The following SEZ6L variants were observed in gnomAD, a reference collection of about 807,000 sequenced individuals.
SEZ6L encodes the protein seizure 6-like protein.
SEZ6L carries 37 observed loss-of-function variants against 106.2 expected under a neutral mutation model. The ratio of observed to expected loss-of-function variants is 0.35; its 90% CI spans 0.27 to 0.46. The LOEUF (loss-of-function observed/expected upper bound fraction) is 0.46, where lower values mean the gene tolerates loss of function less well. Among genes scored for constraint, SEZ6L ranks in the 20% least tolerant of loss-of-function variants. The pLI, the probability that SEZ6L is intolerant of heterozygous loss-of-function variation, is 1.00. For synonymous variants in SEZ6L, 541 were observed against 570.4 expected, an observed-to-expected ratio of 0.95 and a Z score of 0.73; for missense variants, 1,172 against 1,332.8, an observed-to-expected ratio of 0.88 and a Z score of 1.88.
At chr22:26,289,968 A>G (rs1303937944) in intron 1 of SEZ6L, among the ~76,000 whole-genome samples, 1 of 152,204 alleles carries the variant, frequency 6.6e-6, no homozygotes, top group Non-Finnish European at 1.5e-5. Context: ...GATTGCAATG[A>G]CAAGAGTAAA....
chr22:26,272,542 T>C (rs565667842), intron 1 of SEZ6L, among the ~76,000 whole-genome samples: 4 of 152,260 alleles, frequency 2.6e-5, no homozygotes, highest in Admixed American at 2.6e-4. Context: ...AGGATAAACT[T>C]TGGGATGTCC....
At position 26,299,049 on chromosome 22, in the gene SEZ6L, C is replaced by T; in HGVS notation, c.1228C>T (p.His410Tyr). 1 of 1,607,614 alleles carries T rather than the reference C, an allele frequency of 6.2e-7. No individual in the cohort carries two copies. Among genetic ancestry groups the T allele is most frequent in the Non-Finnish European group, 8.5e-7 (1 of 1,177,132 alleles). Reference protein sequence around the residue: ...DSGDVTVMDLHSGGVAHFHCH... With the variant: ...DSGDVTVMDLYSGGVAHFHCH... Reference sequence around the variant, plus strand: ...TGGGGATGTCACGGTGATGGACCTGCACTCAGGTGGGGTGGCCCACTTTCA... The same window carrying T: ...TGGGGATGTCACGGTGATGGACCTGTACTCAGGTGGGGTGGCCCACTTTCA... The change falls in exon 5 of 17, where the codon CAC becomes TAC. Residue 410 changes from histidine (H) to tyrosine (Y), a missense_variant. Transcript: ENST00000248933.
intron 11 of SEZ6L, 110 bp downstream of exon 11, chr22:26,348,023 C>A: frequency 1.3e-6 from 1 of 781,450 alleles, no homozygotes; most frequent in Non-Finnish European, 2.0e-6. Context: ...CTGGACTCCC[C>A]CTCCACCACC....
chr22:26,276,708 C>A (rs940641781), intron 1 of SEZ6L, among the ~76,000 whole-genome samples: 1 of 152,192 alleles, frequency 6.6e-6, no homozygotes, highest in African/African-American at 2.4e-5. Context: ...GCATTCCTCT[C>A]CCCCTTGCTG....
intron 1 of SEZ6L, among the ~76,000 whole-genome samples, chr22:26,239,011 C>T (rs1331950825): frequency 6.6e-6 from 1 of 152,158 alleles, no homozygotes; most frequent in African/African-American, 2.4e-5. Flanking sequence ...TCACCTGAGG[C>T]CAGGAGTTCA....
At chr22:26,282,035 C>T (rs1569441756) in intron 1 of SEZ6L, among the ~76,000 whole-genome samples, 1 of 152,198 alleles carries the variant, frequency 6.6e-6, no homozygotes, top group Non-Finnish European at 1.5e-5. Context: ...TTTGCTGCTA[C>T]AAATGGGGCC....
chr22:26,342,707 A>AAAGAAAAGAAAAGAAAAG (rs145388635), intron 10 of SEZ6L, among the ~76,000 whole-genome samples: 1 of 146,880 alleles, frequency 6.8e-6, no homozygotes, highest in African/African-American at 2.6e-5. Context: ...AGAAAAAAGA[A>AAAGAAAAGAAAAGAAAAG]AAAAGAAAAG....
chr22:26,380,387 C>A lies in SEZ6L; in HGVS notation c.*92C>A. The A allele has an allele frequency of 1.0e-6, 1 of 981,746 alleles. No homozygotes were observed. The highest frequency in any genetic ancestry group is 1.6e-6 in the Non-Finnish European group (1 of 616,510). The allele number at this position is 981,746 out of a possible 1,614,324, so 60.8% of individuals were successfully genotyped here. A position where few individuals can be genotyped will look rare whatever the true frequency, so the allele number is the denominator to read the frequency against. ...GACCATGTGGCACTTGATTGAAACC[C>A]CAGAATGTCGACTGTCTTTTGTTTA... On this transcript the variant is annotated 3_prime_UTR_variant, in exon 17 of 17. Transcript: ENST00000248933.
At chr22:26,345,468 T>G (rs1292304479) in intron 10 of SEZ6L, among the ~76,000 whole-genome samples, 2 of 152,084 alleles carry the variant, frequency 1.3e-5, no homozygotes, top group African/African-American at 4.8e-5. Context: ...CAGACCACAT[T>G]TCTGGTGTCT....
chr22:26,226,592 A>G (rs1050102368), intron 1 of SEZ6L, among the ~76,000 whole-genome samples: 4 of 152,006 alleles, frequency 2.6e-5, no homozygotes, highest in Admixed American at 6.6e-5. Flanking sequence ...TGTGTGTGTG[A>G]TTATTCAGTG....
chr22:26,239,170 G>A (rs1161264966), intron 1 of SEZ6L, among the ~76,000 whole-genome samples: 1 of 152,194 alleles, frequency 6.6e-6, no homozygotes, highest in Admixed American at 6.5e-5. Flanking sequence ...GATGCAGTGA[G>A]CCATGATCGG....
At chr22:26,342,705 GAA>G (rs373792881) in intron 10 of SEZ6L, among the ~76,000 whole-genome samples, 3,538 of 120,830 alleles carry the variant, frequency 0.029, 79 homozygotes, top group African/African-American at 0.086. Flanking sequence ...AAAGAAAAAA[GAA>G]AAAAGAAAAG....
intron 12 of SEZ6L, among the ~76,000 whole-genome samples, chr22:26,358,959 A>C (rs1033673310): frequency 3.9e-5 from 6 of 152,162 alleles, no homozygotes; most frequent in African/African-American, 1.4e-4. Flanking sequence ...AACCTGCCTT[A>C]GATGATCTTA....
intron 1 of SEZ6L, among the ~76,000 whole-genome samples, chr22:26,269,841 G>T (rs17394336): frequency 6.6e-6 from 1 of 152,080 alleles, no homozygotes; most frequent in Non-Finnish European, 1.5e-5. Context: ...GTATTATCTC[G>T]GCCACCAGTG....
chr22:26,360,383 A>C (rs187893889), intron 12 of SEZ6L, among the ~76,000 whole-genome samples: 103 of 152,306 alleles, frequency 6.8e-4, no homozygotes, highest in African/African-American at 2.4e-3. Context: ...TCTGGAATAC[A>C]TACAGGACTG....
intron 1 of SEZ6L, among the ~76,000 whole-genome samples, chr22:26,232,228 A>C (rs1014166226): frequency 1.3e-5 from 2 of 152,078 alleles, no homozygotes; most frequent in Non-Finnish European, 2.9e-5. Flanking sequence ...CACCAGGAAA[A>C]GTCCTTACCC....
intron 12 of SEZ6L, among the ~76,000 whole-genome samples, chr22:26,364,335 T>C (rs1298655192): frequency 1.3e-5 from 2 of 151,132 alleles, no homozygotes; most frequent in Non-Finnish European, 1.5e-5. Flanking sequence ...ACTGTGATCC[T>C]AACACCTTGG....
chr22:26,347,580 C>G, intron 10 of SEZ6L, 139 bp from the exon 11 acceptor site: 1 of 625,158 alleles, frequency 1.6e-6, no homozygotes, highest in Non-Finnish European at 2.6e-6. Flanking sequence ...GAGCTCTTGC[C>G]AGTTAAGCGA....
intron 1 of SEZ6L, among the ~76,000 whole-genome samples, chr22:26,199,316 T>A (rs1556061701): frequency 6.6e-6 from 1 of 152,190 alleles, no homozygotes; most frequent in Non-Finnish European, 1.5e-5. Flanking sequence ...GCTCCCAACT[T>A]CCAGCTACTG....
Sources: gnomAD v4.1 joint callset for allele counts (sites outside exome capture counted in the v4.1 genomes callset) on GRCh38, gnomAD v4.1.1 for gene constraint, MANE v1.5 for transcripts, NCBI Gene and HGNC (gene_info 2026-07-23, HGNC 2026-07-21) for gene names.